CPD: variants seen among roughly 807,000 people sequenced by gnomAD.
CPD encodes metallocarboxypeptidase D.
CPD carries 69 observed loss-of-function variants against 138.3 expected under a neutral mutation model. The ratio of observed to expected loss-of-function variants is 0.50; its 90% CI spans 0.41 to 0.61. The LOEUF (loss-of-function observed/expected upper bound fraction) is 0.61. Among genes scored for constraint, CPD ranks in the 20% least tolerant of loss-of-function variants. CPD has a pLI of 0.00. For synonymous variants in CPD, 651 were observed against 642.1 expected, an observed-to-expected ratio of 1.01 and a Z score of -0.21; for missense variants, 1,432 against 1,733.3, an observed-to-expected ratio of 0.83 and a Z score of 3.09.
intron 11 of CPD, among the ~76,000 whole-genome samples, chr17:30,444,944 G>A (rs1912986847): frequency 6.6e-6 from 1 of 151,974 alleles, no homozygotes; most frequent in Admixed American, 6.6e-5. Flanking sequence ...AATGAGTAAT[G>A]AGGTCTTTTC....
At chr17:30,409,067 G>C (rs944665763) in intron 2 of CPD, among the ~76,000 whole-genome samples, 1 of 152,082 alleles carries the variant, frequency 6.6e-6, no homozygotes, top group Admixed American at 6.6e-5. Context: ...TAGCATGAAG[G>C]GCTGTTGAAT....
chr17:30,437,920 T>C (rs1353572641), intron 8 of CPD, among the ~76,000 whole-genome samples: 1 of 150,544 alleles, frequency 6.6e-6, no homozygotes, highest in African/African-American at 2.4e-5. Context: ...TACTGCAGCC[T>C]CAACCTCCTG....
At chr17:30,462,329 T>C in intron 19 of CPD, 41 bp from the exon 20 acceptor site, 1 of 1,521,336 alleles carries the variant, frequency 6.6e-7, no homozygotes, top group East Asian at 2.3e-5. Flanking sequence ...CAGTACACCT[T>C]AAGCAGAATT....
chr17:30,385,280 T>G, intron 2 of CPD, 44 bp downstream of exon 2: 1 of 1,606,156 alleles, frequency 6.2e-7, no homozygotes, highest in Non-Finnish European at 8.5e-7. Flanking sequence ...CCTTGTTCGT[T>G]GAATTTTGTT....
intron 1 of CPD, among the ~76,000 whole-genome samples, chr17:30,382,493 A>G (rs1215621003): frequency 6.6e-6 from 1 of 152,238 alleles, no homozygotes; most frequent in Non-Finnish European, 1.5e-5. Flanking sequence ...CAAAAACTCA[A>G]AGCATAATCT....
intron 15 of CPD, 120 bp from the exon 16 acceptor site, chr17:30,456,136 T>TA (rs1913286350): frequency 1.5e-6 from 1 of 678,064 alleles, no homozygotes; most frequent in Non-Finnish European, 2.5e-6. Context: ...AGTAACAGTA[T>TA]ACTTAAGTGG....
In CPD at chr17:30,456,325, G is replaced by A. The variant is rs1430040059; in HGVS notation, c.3407G>A (p.Gly1136Asp). Residue 1136 changes from glycine to aspartate, a missense_variant, in exon 16 of 21, where the codon GGT (glycine) becomes GAT (aspartate). Gly to Asp is a moderately conservative substitution (Grantham distance 94). Transcript: ENST00000225719. Reference protein sequence around the residue: ...YANNHPSMHMGQPSCPNKSDE... With the variant: ...YANNHPSMHMDQPSCPNKSDE... ...AATAATCATCCATCCATGCACATGG[G>A]TCAGCCCAGTTGCCCAAATAAATCA... The A allele has an allele frequency of 1.2e-6, 2 of 1,614,174 alleles. No homozygotes were observed. The highest frequency in any genetic ancestry group is 3.3e-5 in the Admixed American group (2 of 60,020).
In CPD at chr17:30,396,506, A is replaced by G. The variant is rs549597660; in HGVS notation, c.994+11270A>G. On this transcript the variant is annotated intron_variant, in intron 2 of 20. Transcript: ENST00000225719. The stretch of plus-strand genomic sequence containing the variant: ...CTTTGAATGAAGGATTGAATTTATT[A>G]ATCTCCCCTCCCCTTAAAAGCTAGA... Among the ~76,000 whole-genome samples, 16 of 152,326 alleles carry G rather than the reference A, an allele frequency of 1.1e-4. No individual in the cohort carries two copies. In the East Asian group the frequency reaches 3.1e-3, roughly 29 times the overall value.
rs773343475 is a variant in CPD, at chr17:30,431,845, T to C, written c.2091T>C (p.Asp697=). The C allele has an allele frequency of 1.0e-4, 169 of 1,612,372 alleles. No individual in the cohort carries two copies. The highest frequency in any genetic ancestry group is 1.4e-4 in the Non-Finnish European group (166 of 1,179,128). Reference sequence around the variant, plus strand: ...CCACATATAGTAAATCACCAGATGATGCTGTGTTCCAACAAATAGCACTTT... The same window carrying C: ...CCACATATAGTAAATCACCAGATGACGCTGTGTTCCAACAAATAGCACTTT... The part of the protein sequence containing the change: ...GLATYSKSPD[D]AVFQQIALSY... Residue 697 remains aspartate, a synonymous_variant, in exon 8 of 21, where the codon GAT becomes GAC. Coordinates refer to ENST00000225719, the MANE Select transcript of CPD (RefSeq NM_001304.5).
At chr17:30,409,624 T>A (rs866745103) in intron 2 of CPD, among the ~76,000 whole-genome samples, 3 of 152,366 alleles carry the variant, frequency 2.0e-5, no homozygotes, top group Middle Eastern at 3.4e-3. Flanking sequence ...TCTTCTAGAT[T>A]TTCTAGTTTA....
At chr17:30,458,927 T>A (rs1465468306) in intron 17 of CPD, among the ~76,000 whole-genome samples, 1 of 151,526 alleles carries the variant, frequency 6.6e-6, no homozygotes, top group Non-Finnish European at 1.5e-5. Context: ...CAGTCATTGA[T>A]GCAGTTTATT....
intron 13 of CPD, 97 bp downstream of exon 13, chr17:30,449,845 T>G (rs1913121644): frequency 9.4e-7 from 1 of 1,060,288 alleles, no homozygotes; most frequent in Non-Finnish European, 1.3e-6. Flanking sequence ...TTGCTAGATT[T>G]TACAGAGTCA....
At chr17:30,384,171 T>C (rs925185614) in intron 1 of CPD, among the ~76,000 whole-genome samples, 2 of 152,194 alleles carry the variant, frequency 1.3e-5, no homozygotes, top group African/African-American at 4.8e-5. Context: ...GTCTTTGACA[T>C]GGTGTATTGT....
At chr17:30,397,737 C>CTAA (rs1911546252) in intron 2 of CPD, among the ~76,000 whole-genome samples, 1 of 31,850 alleles carries the variant, frequency 3.1e-5, no homozygotes, top group African/African-American at 1.0e-4. Context: ...ACTCCTGTCT[C>CTAA]AAAAAAAAAA....
rs1276594292 is a variant in CPD at position 30,451,726 on chromosome 17, A to G, written c.3085A>G (p.Arg1029Gly). 2 of 1,614,028 alleles carry G rather than the reference A, an allele frequency of 1.2e-6. No homozygotes were observed. The highest frequency in any genetic ancestry group is 4.5e-5 in the East Asian group (2 of 44,854). Residue 1029 changes from arginine (R) to glycine (G), a missense_variant, in exon 14 of 21, where the codon AGG becomes GGG. Coordinates refer to ENST00000225719, the MANE Select transcript of CPD (RefSeq NM_001304.5). ...PAVTQLVDRT[R>G]IVIVPSLNPD... ...TGTGCTTCAGTTGGTTGACAGGACT[A>G]GGATTGTGATTGTCCCTTCTCTAAA...
chr17:30,451,895 T>C (rs747309878), intron 14 of CPD, 49 bp downstream of exon 14: 6 of 1,566,174 alleles, frequency 3.8e-6, no homozygotes, highest in Non-Finnish European at 5.2e-6. Flanking sequence ...TAATTTTCTT[T>C]CTGCTAGAAG....
chr17:30,395,311 G>T (rs1202752111), intron 2 of CPD, among the ~76,000 whole-genome samples: 3 of 150,994 alleles, frequency 2.0e-5, no homozygotes, highest in African/African-American at 4.9e-5. Flanking sequence ...TATTTTAAAG[G>T]TACAGTTGAT....
chr17:30,421,886 A>G, intron 4 of CPD, 53 bp downstream of exon 4: 1 of 1,373,476 alleles, frequency 7.3e-7, no homozygotes, highest in South Asian at 1.2e-5. Context: ...TCTCTGTTTT[A>G]TATCTGAGAC....
At chr17:30,451,658 C>G (rs1597735079) in intron 13 of CPD, 53 bp from the exon 14 acceptor site, 1 of 1,546,578 alleles carries the variant, frequency 6.5e-7, no homozygotes, top group Non-Finnish European at 8.9e-7. Flanking sequence ...TGAGAGGGTA[C>G]CCATTGATTC....
Sources: gnomAD v4.1 joint callset for allele counts (sites outside exome capture counted in the v4.1 genomes callset) on GRCh38, gnomAD v4.1.1 for gene constraint, MANE v1.5 for transcripts, NCBI Gene and HGNC (gene_info 2026-07-23, HGNC 2026-07-21) for gene names.